The following VSTM4 variants were observed in gnomAD, a reference collection of about 807,000 sequenced individuals.
The protein encoded by VSTM4 is V-set and transmembrane domain-containing protein 4.
In VSTM4, 20 loss-of-function variants were observed where a neutral mutation model predicts 36.4. The observed-to-expected ratio is 0.55, with a 90% CI of 0.39 to 0.80. VSTM4 has a LOEUF of 0.80. Among genes scored for constraint, VSTM4 ranks in the 30% least tolerant of loss-of-function variants. The pLI is 0.00. For synonymous variants in VSTM4, 182 were observed against 173.9 expected (o/e 1.05, Z -0.37); for missense variants, 392 against 404.5 (o/e 0.97, Z 0.26).
rs752274404 is a variant in VSTM4, at chr10:49,019,646, T to C, written c.*4A>G. The C allele has an allele frequency of 1.7e-5, 28 of 1,605,116 alleles. No homozygotes were observed. Among genetic ancestry groups the C allele is most frequent in the African/African-American group, 6.7e-5 (5 of 74,594 alleles). On this transcript the variant is annotated 3_prime_UTR_variant, in exon 8 of 8. Coordinates refer to ENST00000332853, the MANE Select transcript of VSTM4 (RefSeq NM_001031746.5). Reference sequence around the variant, plus strand: ...TAAATAGAACCTTGGAGGTGGACGCTGTACTACAGCTTGTTCTCCTCGAAG... The same window carrying C: ...TAAATAGAACCTTGGAGGTGGACGCCGTACTACAGCTTGTTCTCCTCGAAG...
chr10:49,033,922 C>T (rs1564567743), intron 7 of VSTM4, among the ~76,000 whole-genome samples: 1 of 151,452 alleles, frequency 6.6e-6, no homozygotes, highest in African/African-American at 2.4e-5. Flanking sequence ...CATCACCATC[C>T]TCTTCATCAT....
intron 5 of VSTM4, among the ~76,000 whole-genome samples, chr10:49,059,651 C>A (rs1843841107): frequency 6.6e-6 from 1 of 152,138 alleles, no homozygotes; most frequent in Non-Finnish European, 1.5e-5. Context: ...TTACCCAAGT[C>A]TGAAATGCCA....
At chr10:49,062,686 GT>G (rs1291861460) in intron 5 of VSTM4, among the ~76,000 whole-genome samples, 1 of 152,116 alleles carries the variant, frequency 6.6e-6, no homozygotes, top group Non-Finnish European at 1.5e-5. Context: ...TTCTAATACT[GT>G]TTTAGATCCA....
rs1843116080 is a variant in VSTM4, at chr10:49,017,168, A to G, written c.*2482T>C. On this transcript the variant is annotated 3_prime_UTR_variant, in exon 8 of 8. Transcript: ENST00000332853. ...AATGACAATGCATGATTAGTGGTCCATGGACAAAGAATGAATGAGTGGGCA... is the reference window on the plus strand; with the variant it reads ...AATGACAATGCATGATTAGTGGTCCGTGGACAAAGAATGAATGAGTGGGCA... 6.6e-6 allele frequency: 1 copy of G among 152,248 alleles called. No individual in the cohort carries two copies. Among genetic ancestry groups the G allele is most frequent in the Non-Finnish European group, 1.5e-5 (1 of 68,042 alleles). 9.4% of individuals were successfully genotyped at this position (152,248 alleles called of 1,614,324 possible).
chr10:49,066,163 C>A (rs1260206823), intron 4 of VSTM4, among the ~76,000 whole-genome samples: 1 of 152,124 alleles, frequency 6.6e-6, no homozygotes, highest in African/African-American at 2.4e-5. Flanking sequence ...TTAGAACATG[C>A]CTGAGGTCTG....
At chr10:49,040,531 C>T (rs1449009978) in intron 7 of VSTM4, among the ~76,000 whole-genome samples, 2 of 152,188 alleles carry the variant, frequency 1.3e-5, no homozygotes, top group East Asian at 3.9e-4. Flanking sequence ...GGTGATCAGC[C>T]TGCCTCGGCC....
At chr10:49,051,498 C>T (rs1164312641) in intron 5 of VSTM4, among the ~76,000 whole-genome samples, 3 of 151,366 alleles carry the variant, frequency 2.0e-5, no homozygotes, top group African/African-American at 7.3e-5. Context: ...CGGGTTCAAG[C>T]GATTCTCCTG....
chr10:49,087,153 T>C (rs1456436771), intron 2 of VSTM4, among the ~76,000 whole-genome samples: 1 of 152,260 alleles, frequency 6.6e-6, no homozygotes, highest in East Asian at 1.9e-4. Context: ...TCTTCATCTG[T>C]GTTTAACCTT....
At chr10:49,073,610 A>G (rs1844121538) in intron 4 of VSTM4, among the ~76,000 whole-genome samples, 1 of 152,208 alleles carries the variant, frequency 6.6e-6, no homozygotes, top group Non-Finnish European at 1.5e-5. Context: ...CTCAAAGCCC[A>G]TGGTTTCCAG....
At chr10:49,063,346 A>G (rs1843915876) in intron 5 of VSTM4, among the ~76,000 whole-genome samples, 1 of 152,218 alleles carries the variant, frequency 6.6e-6, no homozygotes, top group Non-Finnish European at 1.5e-5. Flanking sequence ...ATAGAAAGAA[A>G]AAAACTGCTT....
chr10:49,079,242 C>T (rs1248640962), intron 3 of VSTM4, among the ~76,000 whole-genome samples: 1 of 151,528 alleles, frequency 6.6e-6, no homozygotes, highest in Non-Finnish European at 1.5e-5. Context: ...CTCACTCCGT[C>T]ACCCAGGCTG....
chr10:49,034,963 A>T (rs554961255), intron 7 of VSTM4, among the ~76,000 whole-genome samples: 2 of 152,236 alleles, frequency 1.3e-5, no homozygotes, highest in Non-Finnish European at 1.5e-5. Context: ...CAATGATCTC[A>T]GAAATGAAGT....
Position 49,100,578 on chromosome 10 carries a change from C to T in VSTM4, c.457+7016G>A, listed in dbSNP as rs956438959. ...TGTGAAAAAAAATTGTACTGAAAGA[C>T]ATTTAAAAAAAAAACCCTGACTACA... On this transcript the variant is annotated intron_variant, in intron 2 of 7. Coordinates refer to ENST00000332853, the MANE Select transcript of VSTM4 (RefSeq NM_001031746.5). Among the ~76,000 whole-genome samples, 4 of 151,010 alleles carry T rather than the reference C, an allele frequency of 2.6e-5. No homozygotes were observed. In the East Asian group the frequency reaches 7.8e-4, roughly 29 times the overall value.
At chr10:49,086,165 A>G (rs1844367621) in intron 2 of VSTM4, 142 bp from the exon 3 acceptor site, 1 of 515,652 alleles carries the variant, frequency 1.9e-6, no homozygotes. Context: ...GGGTGCAAGG[A>G]CTTTACCTAA....
In VSTM4 at chr10:49,072,598, G is replaced by A. The variant is rs79590499; in HGVS notation, c.634+4621C>T. Among the ~76,000 whole-genome samples, 278 of 152,242 alleles carry A rather than the reference G, an allele frequency of 1.8e-3. 3 individuals are homozygous for A. The East Asian group carries it at 0.021, about 11-fold the overall frequency. Reference sequence around the variant, plus strand: ...TCTTCCTCTTCCCTAAGTCTGGCCCGTCCTCACAACTTGCTGTAATTGATA... The same window carrying A: ...TCTTCCTCTTCCCTAAGTCTGGCCCATCCTCACAACTTGCTGTAATTGATA... On this transcript the variant is annotated intron_variant, in intron 4 of 7. Transcript: ENST00000332853.
chr10:49,085,602 G>A (rs1844355870), intron 3 of VSTM4, among the ~76,000 whole-genome samples: 1 of 152,160 alleles, frequency 6.6e-6, no homozygotes, highest in Admixed American at 6.5e-5. Flanking sequence ...CAAAACTGTG[G>A]GCTGATACTG....
At chr10:49,035,270 CCCTG>C (rs893543849) in intron 7 of VSTM4, among the ~76,000 whole-genome samples, 3 of 152,170 alleles carry the variant, frequency 2.0e-5, no homozygotes, top group African/African-American at 7.2e-5. Flanking sequence ...GCACCTTGCC[CCCTG>C]CCTATCAGCG....
At chr10:49,110,722 C>A (rs1844878359) in intron 1 of VSTM4, among the ~76,000 whole-genome samples, 2 of 152,060 alleles carry the variant, frequency 1.3e-5, no homozygotes, top group South Asian at 4.2e-4. Context: ...AGAGGGAAGA[C>A]CCTGTGAAGA....
chr10:49,030,370 A>G (rs1022337667), intron 7 of VSTM4, among the ~76,000 whole-genome samples: 3 of 152,186 alleles, frequency 2.0e-5, no homozygotes, highest in African/African-American at 7.2e-5. Context: ...CCCAGGGTCC[A>G]GAGACACATG....
Sources: gnomAD v4.1 joint callset for allele counts (sites outside exome capture counted in the v4.1 genomes callset) on GRCh38, gnomAD v4.1.1 for gene constraint, MANE v1.5 for transcripts, NCBI Gene and HGNC (gene_info 2026-07-23, HGNC 2026-07-21) for gene names.